Variants in NOL4 observed in about 807,000 individuals in gnomAD.
NOL4 encodes nucleolar protein 4.
NOL4 carries 17 observed loss-of-function variants against 75.9 expected under a neutral mutation model. That is an observed-to-expected ratio of 0.22 (90% CI 0.15 to 0.34). The LOEUF (loss-of-function observed/expected upper bound fraction) is 0.34. Among genes scored for constraint, NOL4 ranks in the 10% least tolerant of loss-of-function variants. The probability of loss-of-function intolerance (pLI) is 1.00; values close to 1 mark genes in which losing one functional copy is unlikely to be tolerated. For synonymous variants in NOL4, 292 were observed against 289.9 expected (o/e 1.01, Z -0.07); for missense variants, 614 against 793.5 (o/e 0.77, Z 2.72).
At chr18:33,971,442 G>GA (rs368759701) in intron 6 of NOL4, among the ~76,000 whole-genome samples, 1 of 151,882 alleles carries the variant, frequency 6.6e-6, no homozygotes, top group Non-Finnish European at 1.5e-5. Context: ...CAAATGAGAA[G>GA]AAAAAAAGGA....
At chr18:33,997,119 T>C (rs2073348032) in intron 6 of NOL4, among the ~76,000 whole-genome samples, 1 of 151,996 alleles carries the variant, frequency 6.6e-6, no homozygotes, top group African/African-American at 2.4e-5. Flanking sequence ...TTGTCAATTT[T>C]TGTTGCATTT....
At chr18:34,048,550 G>A in intron 5 of NOL4, 1 of 985,386 alleles carries the variant, frequency 1.0e-6, no homozygotes, top group Non-Finnish European at 1.2e-6. Context: ...AGTGCACCCA[G>A]GGATTAGTCT....
chr18:34,062,731 T>C (rs967446844), intron 5 of NOL4, among the ~76,000 whole-genome samples: 1 of 152,120 alleles, frequency 6.6e-6, no homozygotes, highest in East Asian at 1.9e-4. Flanking sequence ...GGCAGGTAGA[T>C]GGAAAATATG....
At chr18:34,177,067 A>G (rs145082527) in intron 1 of NOL4, among the ~76,000 whole-genome samples, 161 of 152,148 alleles carry the variant, frequency 1.1e-3, no homozygotes, top group African/African-American at 3.6e-3. Context: ...ACAGACAAAT[A>G]GGCGAATGAT....
At chr18:34,201,781 A>T (rs1422189770) in intron 1 of NOL4, among the ~76,000 whole-genome samples, 1 of 151,884 alleles carries the variant, frequency 6.6e-6, no homozygotes, top group Non-Finnish European at 1.5e-5. Flanking sequence ...TTTTTAAAAT[A>T]TCTGTAAATT....
At chr18:34,026,475 T>A (rs566063017) in intron 5 of NOL4, among the ~76,000 whole-genome samples, 1 of 152,286 alleles carries the variant, frequency 6.6e-6, no homozygotes, top group South Asian at 2.1e-4. Context: ...CGCCTCTTTC[T>A]GTTATCAATT....
intron 9 of NOL4, among the ~76,000 whole-genome samples, chr18:33,920,133 TAA>T (rs2066944642): frequency 6.6e-6 from 1 of 152,120 alleles, no homozygotes; most frequent in Non-Finnish European, 1.5e-5. Flanking sequence ...TCATATTGTA[TAA>T]GAGTTTTTAT....
At chr18:34,134,663 T>A (rs887691412) in intron 1 of NOL4, among the ~76,000 whole-genome samples, 6 of 152,010 alleles carry the variant, frequency 3.9e-5, no homozygotes, top group Non-Finnish European at 8.8e-5. Context: ...TAGACATACA[T>A]AGAACACTCT....
chr18:34,123,569 A>C lies in NOL4; in HGVS notation c.414+6302T>G, dbSNP rs547353387. 3.1e-3 allele frequency among the ~76,000 whole-genome samples: 455 copies of C among 145,448 alleles called. 4 individuals are homozygous for C. The highest frequency in any genetic ancestry group is 0.01 in the African/African-American group (407 of 39,772). On this transcript the variant is annotated intron_variant, in intron 2 of 10. Coordinates refer to ENST00000261592, the MANE Select transcript of NOL4 (RefSeq NM_003787.5). ...TATATATATATATATATGGTTCTCT[A>C]TATATATATGAGAATATATATAGAG... is the stretch of plus-strand genomic sequence containing the variant.
chr18:33,888,419 T>C (rs1440573358), intron 9 of NOL4, among the ~76,000 whole-genome samples: 1 of 152,178 alleles, frequency 6.6e-6, no homozygotes, highest in Non-Finnish European at 1.5e-5. Flanking sequence ...GCTCTTTAGT[T>C]TAATTAGATC....
chr18:34,093,598 C>A lies in NOL4; in HGVS notation c.640-1G>T. Reference sequence around the variant, plus strand: ...CATCACTTTCTATTGAACTTTCATCCTGAAAATAGTTTTAAAATATCATCA... The same window carrying A: ...CATCACTTTCTATTGAACTTTCATCATGAAAATAGTTTTAAAATATCATCA... On this transcript the variant is annotated splice_acceptor_variant, in intron 4 of 10. Transcript: ENST00000261592. LOFTEE classifies it high-confidence loss of function. The A allele has an allele frequency of 6.4e-7, 1 of 1,571,516 alleles. No individual in the cohort carries two copies. The highest frequency in any genetic ancestry group is 1.2e-5 in the South Asian group (1 of 85,604).
intron 1 of NOL4, among the ~76,000 whole-genome samples, chr18:34,170,334 T>C (rs2146259010): frequency 6.6e-6 from 1 of 152,074 alleles, no homozygotes; most frequent in East Asian, 1.9e-4. Context: ...CGTGCCACAC[T>C]GCCTGGCTAA....
chr18:33,864,759 A>G (rs1048663928), intron 10 of NOL4, among the ~76,000 whole-genome samples: 2 of 152,170 alleles, frequency 1.3e-5, no homozygotes, highest in Admixed American at 6.5e-5. Flanking sequence ...GAGACTGGAT[A>G]ATTTATAAAG....
intron 5 of NOL4, among the ~76,000 whole-genome samples, chr18:34,075,288 A>C (rs1341232678): frequency 1.3e-5 from 2 of 152,176 alleles, no homozygotes; most frequent in Non-Finnish European, 2.9e-5. Flanking sequence ...AACTTTACCC[A>C]ACATTCTAAA....
chr18:33,898,890 G>A (rs2065581705), intron 9 of NOL4, among the ~76,000 whole-genome samples: 1 of 152,006 alleles, frequency 6.6e-6, no homozygotes, highest in Non-Finnish European at 1.5e-5. Flanking sequence ...TGCCCTTATG[G>A]CACTCTACAC....
rs563781895 is a variant in NOL4, at chr18:34,005,200, T to C, written c.1056+14118A>G. Among the ~76,000 whole-genome samples the C allele has an allele frequency of 2.2e-4, 33 of 152,216 alleles. No individual in the cohort carries two copies. In the East Asian group the frequency reaches 4.7e-3, roughly 21 times the overall value. ...TATATTGGTTCATGCCTCAGTGCTT[T>C]GAGATTTGTCCTCCAGGGACATGCA... On this transcript the variant is annotated intron_variant, in intron 6 of 10. Coordinates refer to ENST00000261592, the MANE Select transcript of NOL4 (RefSeq NM_003787.5).
chr18:34,167,805 G>GCAGTGAAGTCTTGGATTCTAGTAAA (rs2032572870), intron 1 of NOL4, among the ~76,000 whole-genome samples: 1 of 152,048 alleles, frequency 6.6e-6, no homozygotes, highest in Admixed American at 6.6e-5. Context: ...GTAGGGAGAA[G>GCAGTGAAGTCTTGGATTCTAGTAAA]CAGTGAAGTC....
chr18:33,905,072 A>C (rs2065954453), intron 9 of NOL4, among the ~76,000 whole-genome samples: 1 of 152,216 alleles, frequency 6.6e-6, no homozygotes. Flanking sequence ...AGTATGCTCA[A>C]ATTGAATCTC....
intron 9 of NOL4, among the ~76,000 whole-genome samples, chr18:33,941,694 T>C (rs1461947763): frequency 2.0e-5 from 3 of 151,920 alleles, no homozygotes; most frequent in Admixed American, 6.6e-5. Flanking sequence ...CTGTCTTTCA[T>C]ATGGAGTAAT....
Sources: gnomAD v4.1 joint callset for allele counts (sites outside exome capture counted in the v4.1 genomes callset) on GRCh38, gnomAD v4.1.1 for gene constraint, MANE v1.5 for transcripts, NCBI Gene and HGNC (gene_info 2026-07-23, HGNC 2026-07-21) for gene names.